The following MICU1 variants were observed in gnomAD, a reference collection of about 807,000 sequenced individuals.
MICU1 encodes calcium uptake protein 1, mitochondrial.
MICU1 carries 45 observed loss-of-function variants against 56.8 expected under a neutral mutation model. The observed-to-expected ratio is 0.79, with a 90% confidence interval of 0.62 to 1.02. The LOEUF (loss-of-function observed/expected upper bound fraction) is 1.02, where lower values mean the gene tolerates loss of function less well. Ranked by LOEUF, MICU1 falls within the 50% of genes least tolerant of loss-of-function variation. The probability of loss-of-function intolerance (pLI) is 0.00; values close to 1 mark genes in which losing one functional copy is unlikely to be tolerated. For missense variants in MICU1, 504 were observed against 587.1 expected (o/e 0.86, Z 1.46); for synonymous variants, 186 against 195.1 (o/e 0.95, Z 0.39).
At chr10:72,576,331 C>A (rs1840745345) in intron 1 of MICU1, among the ~76,000 whole-genome samples, 1 of 148,460 alleles carries the variant, frequency 6.7e-6, no homozygotes, top group African/African-American at 2.5e-5. Context: ...GCTGCAAATG[C>A]AGAGGAAAAG....
intron 6 of MICU1, among the ~76,000 whole-genome samples, chr10:72,488,727 T>A (rs1194092963): frequency 6.6e-6 from 1 of 152,212 alleles, no homozygotes; most frequent in Non-Finnish European, 1.5e-5. Context: ...AGCATCTTCC[T>A]AATTACTCCT....
At chr10:72,613,002 A>G (rs969471111) in intron 1 of MICU1, among the ~76,000 whole-genome samples, 1 of 152,116 alleles carries the variant, frequency 6.6e-6, no homozygotes, top group Non-Finnish European at 1.5e-5. Flanking sequence ...ATTTATAAAA[A>G]TAAAAGCAAG....
intron 8 of MICU1, among the ~76,000 whole-genome samples, chr10:72,454,252 C>T (rs192832931): frequency 0.056 from 8,089 of 144,446 alleles, 735 homozygotes; most frequent in African/African-American, 0.19. Flanking sequence ...GTCAGGAGTT[C>T]GAGACCAGCC....
chr10:72,567,723 C>G (rs771489655), intron 1 of MICU1, among the ~76,000 whole-genome samples: 1 of 152,128 alleles, frequency 6.6e-6, no homozygotes, highest in Non-Finnish European at 1.5e-5. Flanking sequence ...GCTGCTAAAA[C>G]TCCTTAGGAG....
intron 8 of MICU1, among the ~76,000 whole-genome samples, chr10:72,429,358 T>G (rs1028308930): frequency 7.6e-5 from 11 of 144,604 alleles, no homozygotes; most frequent in African/African-American, 2.9e-4. Flanking sequence ...AGGTGGAGGT[T>G]GCAGTGAGCC....
chr10:72,461,793 T>G (rs771888251), intron 8 of MICU1, among the ~76,000 whole-genome samples: 1 of 152,164 alleles, frequency 6.6e-6, no homozygotes, highest in East Asian at 1.9e-4. Flanking sequence ...CTACTAACAA[T>G]ACATGAAATT....
At chr10:72,447,721 G>A (rs1378484721) in intron 8 of MICU1, among the ~76,000 whole-genome samples, 2 of 152,070 alleles carry the variant, frequency 1.3e-5, no homozygotes, top group Admixed American at 1.3e-4. Flanking sequence ...TAGGAAAATG[G>A]CCATGTTCAA....
chr10:72,514,574 G>C (rs572043118), intron 5 of MICU1, among the ~76,000 whole-genome samples: 7 of 152,228 alleles, frequency 4.6e-5, no homozygotes, highest in Admixed American at 4.6e-4. Flanking sequence ...CGTCACTCAA[G>C]TCTCTGTTCA....
chr10:72,518,686 C>CT (rs928231119), intron 5 of MICU1, among the ~76,000 whole-genome samples: 13 of 152,000 alleles, frequency 8.6e-5, no homozygotes, highest in African/African-American at 3.1e-4. Flanking sequence ...ACTGGATATT[C>CT]TTTTTTTTCT....
In MICU1 at chr10:72,511,212, T is replaced by A. The variant is rs528120847; in HGVS notation, c.538-2943A>T. Among the ~76,000 whole-genome samples the A allele has an allele frequency of 4.4e-4, 67 of 152,334 alleles. 1 individual carries two copies. The South Asian group carries it at 0.014, about 32-fold the overall frequency. On this transcript the variant is annotated intron_variant, in intron 5 of 11. Coordinates refer to ENST00000361114, the MANE Select transcript of MICU1 (RefSeq NM_001195518.2). ...TCACTGAACATAATGTTTTTTAGGT[T>A]CACCATGTTGTAGCATGAATCAATA...
At chr10:72,569,231 A>AT (rs1156509426) in intron 1 of MICU1, among the ~76,000 whole-genome samples, 37 of 39,530 alleles carry the variant, frequency 9.4e-4, no homozygotes, top group South Asian at 4.2e-3. Flanking sequence ...ATATATATAT[A>AT]TATATATTTT....
chr10:72,396,809 T>C (rs1001400666), intron 10 of MICU1, among the ~76,000 whole-genome samples: 4 of 152,158 alleles, frequency 2.6e-5, no homozygotes, highest in African/African-American at 9.7e-5. Flanking sequence ...CTACATTTGA[T>C]TGATGTACCT....
At chr10:72,431,287 C>T (rs1397110052) in intron 8 of MICU1, among the ~76,000 whole-genome samples, 2 of 152,074 alleles carry the variant, frequency 1.3e-5, no homozygotes, top group African/African-American at 2.4e-5. Context: ...AGCACTACCA[C>T]GCCAGCTAAT....
Position 72,539,611 on chromosome 10 carries a change from CAAT to C in MICU1, c.494-5825_494-5823del, listed in dbSNP as rs1372657283. On this transcript the variant is annotated intron_variant, in intron 4 of 11. Transcript: ENST00000361114. ...ACAATTCTAAGAGGGAAGTTGATAA[CAAT>C]AAACACTACACTGAAAAAGAAGAAA... is the stretch of plus-strand genomic sequence containing the variant. 3.3e-5 allele frequency among the ~76,000 whole-genome samples: 5 copies of C among 152,048 alleles called. No individual in the cohort carries two copies. In the South Asian group the frequency reaches 8.3e-4, roughly 25 times the overall value.
At chr10:72,558,883 T>C (rs2132459735) in intron 3 of MICU1, among the ~76,000 whole-genome samples, 1 of 152,306 alleles carries the variant, frequency 6.6e-6, no homozygotes, top group South Asian at 2.1e-4. Context: ...TAGCTGGTTA[T>C]GGAGATGCAT....
chr10:72,537,306 A>T (rs1247244104), intron 4 of MICU1, among the ~76,000 whole-genome samples: 2 of 152,226 alleles, frequency 1.3e-5, no homozygotes, highest in East Asian at 3.8e-4. Flanking sequence ...GAAGTAATTC[A>T]AGCTATTGTC....
chr10:72,428,089 T>C (rs1429176341), intron 8 of MICU1, among the ~76,000 whole-genome samples: 1 of 152,194 alleles, frequency 6.6e-6, no homozygotes, highest in Non-Finnish European at 1.5e-5. Context: ...GCCAGGAGTC[T>C]GAATTTTCTT....
chr10:72,408,029 T>G lies in MICU1; in HGVS notation c.1080A>C (p.Thr360=). The change falls in exon 10 of 12, where the codon ACA becomes ACC. Residue 360 remains threonine (T), a synonymous_variant. Transcript: ENST00000361114. Reference sequence around the variant, plus strand: ...TAAAGAAGTTCTCCACCTCCTGAAATGTCAGACCCTGCAAGAGGAGAGACA... The same window carrying G: ...TAAAGAAGTTCTCCACCTCCTGAAAGGTCAGACCCTGCAAGAGGAGAGACA... ...KKHFKEGKGL[T]FQEVENFFTF... 1 of 1,611,986 alleles carries G rather than the reference T, an allele frequency of 6.2e-7. No individual in the cohort carries two copies. The highest frequency in any genetic ancestry group is 8.5e-7 in the Non-Finnish European group (1 of 1,178,362).
At chr10:72,389,268 G>C (rs1433605693) in intron 10 of MICU1, among the ~76,000 whole-genome samples, 1 of 152,198 alleles carries the variant, frequency 6.6e-6, no homozygotes, top group Admixed American at 6.5e-5. Flanking sequence ...GAGCCTAAAT[G>C]ACAAAAGACT....
Sources: gnomAD v4.1 joint callset for allele counts (sites outside exome capture counted in the v4.1 genomes callset) on GRCh38, gnomAD v4.1.1 for gene constraint, MANE v1.5 for transcripts, NCBI Gene and HGNC (gene_info 2026-07-23, HGNC 2026-07-21) for gene names.